SYK: variants seen among roughly 807,000 people sequenced by gnomAD.
The protein encoded by SYK is tyrosine-protein kinase SYK.
Under a neutral mutation model 77.8 loss-of-function variants are expected in SYK, and 16 were observed. The observed-to-expected ratio is 0.21, with a 90% CI of 0.14 to 0.31. The LOEUF is 0.31. Among genes scored for constraint, SYK ranks in the 10% least tolerant of loss-of-function variants. SYK has a pLI of 1.00. For missense variants in SYK, 529 were observed against 814.4 expected (o/e 0.65, Z 4.26); for synonymous variants, 312 against 308.7 (o/e 1.01, Z -0.11).
chr9:90,842,725 GGCAT>G (rs1375243947), intron 1 of SYK, among the ~76,000 whole-genome samples: 2 of 151,094 alleles, frequency 1.3e-5, no homozygotes, highest in African/African-American at 4.9e-5. Context: ...TAGTGTGTGT[GGCAT>G]GCATGTAGTG....
chr9:90,853,847 T>C (rs1371322885), intron 3 of SYK, among the ~76,000 whole-genome samples: 2 of 151,602 alleles, frequency 1.3e-5, no homozygotes, highest in East Asian at 3.9e-4. Flanking sequence ...ATTGTGCACA[T>C]GTACCCTAAA....
intron 4 of SYK, among the ~76,000 whole-genome samples, 174 bp from the exon 5 acceptor site, chr9:90,864,415 T>C (rs1827392909): frequency 6.6e-6 from 1 of 152,196 alleles, no homozygotes; most frequent in Admixed American, 6.5e-5. Context: ...GGGGGATCCC[T>C]AGCTGTGGGC....
intron 1 of SYK, among the ~76,000 whole-genome samples, chr9:90,828,530 A>G (rs1033311377): frequency 6.6e-6 from 1 of 152,068 alleles, no homozygotes; most frequent in Non-Finnish European, 1.5e-5. Context: ...GGCCCCACTC[A>G]GGGTCAATAT....
At chr9:90,812,006 G>A (rs1459610940) in intron 1 of SYK, among the ~76,000 whole-genome samples, 11 of 151,104 alleles carry the variant, frequency 7.3e-5, no homozygotes, top group Middle Eastern at 3.2e-3. Flanking sequence ...TTGGATTGTC[G>A]TTTACTACTT....
chr9:90,811,612 T>C (rs761585903), intron 1 of SYK, among the ~76,000 whole-genome samples: 6 of 152,192 alleles, frequency 3.9e-5, no homozygotes, highest in Non-Finnish European at 7.4e-5. Context: ...CATATCATTG[T>C]ATTTGTTTAA....
rs1003310920 is a variant in SYK, at chr9:90,874,365, T to A, written c.1003+74T>A. ...TCACTTGTAAGTTTGTAGAGTTGGT[T>A]CACGAATCCACACCACGTCCGTGAT... On this transcript the variant is annotated intron_variant, in intron 8 of 13. Transcript: ENST00000375754. 6 of 1,449,310 alleles carry A rather than the reference T, an allele frequency of 4.1e-6. No homozygotes were observed. The African/African-American group carries it at 8.4e-5, about 20-fold the overall frequency. The allele number at this position is 1,449,310 out of a possible 1,614,324, so 89.8% of individuals were successfully genotyped here.
rs1587851303 is a variant in SYK, at chr9:90,844,141, C to T, written c.243C>T (p.Thr81=). ...CCTACGCCATCGCCGGTGGCAGGAC[C>T]CATGCCAGCCCCGCCGACCTCTGCC... ...NGTYAIAGGR[T]HASPADLCHY... Residue 81 remains threonine (T), a synonymous_variant, in exon 2 of 14, where the codon ACC becomes ACT. Transcript: ENST00000375754. The T allele has an allele frequency of 1.2e-6, 2 of 1,614,080 alleles. No individual in the cohort carries two copies. The highest frequency in any genetic ancestry group is 1.7e-6 in the Non-Finnish European group (2 of 1,179,978).
intron 1 of SYK, among the ~76,000 whole-genome samples, chr9:90,833,110 G>A (rs1207733591): frequency 1.3e-5 from 2 of 152,196 alleles, no homozygotes; most frequent in African/African-American, 4.8e-5. Flanking sequence ...AAAAGCTGAG[G>A]AAAAGTGTTA....
In SYK at chr9:90,846,302, G is replaced by T. The variant is rs532089408; in HGVS notation, c.578+708G>T. ...GGCTCAGTGGGGCAGTTGTCCCTGG[G>T]GGAAATGATCCCCTGGTCACCTCTC... On this transcript the variant is annotated intron_variant, in intron 3 of 13. Transcript: ENST00000375754. Among the ~76,000 whole-genome samples the T allele has an allele frequency of 2.0e-5, 3 of 152,316 alleles. No individual in the cohort carries two copies. In the South Asian group the frequency reaches 6.2e-4, roughly 32 times the overall value.
At chr9:90,893,708 G>C (rs954629702) in intron 13 of SYK, among the ~76,000 whole-genome samples, 1 of 152,214 alleles carries the variant, frequency 6.6e-6, no homozygotes, top group African/African-American at 2.4e-5. Context: ...AAAGAGAACA[G>C]AAAATTATGG....
intron 1 of SYK, among the ~76,000 whole-genome samples, chr9:90,841,074 A>G (rs1301404598): frequency 2.0e-5 from 3 of 150,944 alleles, no homozygotes; most frequent in Non-Finnish European, 3.0e-5. Flanking sequence ...TGTGTGTACT[A>G]TGGTGTGTGT....
rs768214203 is a variant in SYK, at chr9:90,895,552, A to G, written c.1860A>G (p.Ala620=). The change falls in exon 14 of 14, where the codon GCA becomes GCG. Residue 620 remains alanine (A), a synonymous_variant. Coordinates refer to ENST00000375754, the MANE Select transcript of SYK (RefSeq NM_003177.7). This position sits in a 1 kb window ranked among gnomAD's most constrained non-coding sequence, Gnocchi z 4.4. ...TYDVENRPGF[A]AVELRLRNYY... is the part of the protein sequence containing the mutation. Reference sequence around the variant, plus strand: ...GTGTGGAAAACAGGCCCGGATTCGCAGCAGTGGAACTGCGGCTGCGCAATT... The same window carrying G: ...GTGTGGAAAACAGGCCCGGATTCGCGGCAGTGGAACTGCGGCTGCGCAATT... 11 of 1,614,198 alleles carry G rather than the reference A, an allele frequency of 6.8e-6. No homozygotes were observed. Among genetic ancestry groups the G allele is most frequent in the African/African-American group, 1.3e-5 (1 of 75,064 alleles).
At position 90,884,769 on chromosome 9, in the gene SYK, A is replaced by G. The variant is rs1183469423; in HGVS notation, c.1582-2980A>G. Among the ~76,000 whole-genome samples, 4 of 47,560 alleles carry G rather than the reference A, an allele frequency of 8.4e-5. 2 individuals carry two copies. In the Admixed American group the frequency reaches 9.9e-4, roughly 12 times the overall value. The allele number at this position is 47,560 out of a possible 152,430, so 31.2% of individuals were successfully genotyped here. On this transcript the variant is annotated intron_variant, in intron 11 of 13. Coordinates refer to ENST00000375754, the MANE Select transcript of SYK (RefSeq NM_003177.7). Reference sequence around the variant, plus strand: ...CACATATACACATATGTGTACATGCACATATACACATGTGTACATGCACAT... The same window carrying G: ...CACATATACACATATGTGTACATGCGCATATACACATGTGTACATGCACAT...
intron 8 of SYK, 39 bp downstream of exon 8, chr9:90,874,330 A>G: frequency 6.3e-7 from 1 of 1,594,758 alleles, no homozygotes; most frequent in Non-Finnish European, 8.6e-7. Flanking sequence ...TCACAGAGCA[A>G]AGTGCGTGGT....
chr9:90,890,304 C>T (rs76708548), intron 13 of SYK, among the ~76,000 whole-genome samples: 6 of 152,234 alleles, frequency 3.9e-5, no homozygotes, highest in South Asian at 2.1e-4. Flanking sequence ...GCTGCTGGGC[C>T]GACCTCTGTC....
intron 1 of SYK, among the ~76,000 whole-genome samples, chr9:90,822,728 G>A (rs1825559424): frequency 1.3e-5 from 2 of 152,166 alleles, no homozygotes; most frequent in South Asian, 4.1e-4. Flanking sequence ...CTATCAGACA[G>A]AAAGCTCTGC....
At chr9:90,840,045 A>G (rs1307026763) in intron 1 of SYK, among the ~76,000 whole-genome samples, 1 of 152,054 alleles carries the variant, frequency 6.6e-6, no homozygotes, top group African/African-American at 2.4e-5. Flanking sequence ...AGTGAAGGGC[A>G]GCAGTGGAAA....
chr9:90,863,890 G>A (rs919005814), intron 4 of SYK, among the ~76,000 whole-genome samples: 1 of 152,216 alleles, frequency 6.6e-6, no homozygotes, highest in African/African-American at 2.4e-5. Flanking sequence ...ATAGTGTTAA[G>A]CATCTCTAAT....
intron 3 of SYK, among the ~76,000 whole-genome samples, chr9:90,852,349 C>G (rs1009352324): frequency 6.6e-6 from 1 of 152,144 alleles, no homozygotes; most frequent in African/African-American, 2.4e-5. Context: ...CCTCTCTGAC[C>G]CTCATCCACT....
Sources: allele counts gnomAD v4.1 joint callset (sites outside exome capture counted in the v4.1 genomes callset), GRCh38; gene constraint gnomAD v4.1.1; non-coding constraint Gnocchi (gnomAD v3.1); transcripts MANE v1.5; gene names NCBI Gene and HGNC (gene_info 2026-07-23, HGNC 2026-07-21).